Variants in ANKRD36 observed in about 807,000 individuals in gnomAD.
The protein encoded by ANKRD36 is ankyrin repeat domain-containing protein 36A.
A neutral mutation model predicts 278.1 loss-of-function variants in ANKRD36; 179 were observed. That is an observed-to-expected ratio of 0.64 (90% CI 0.57 to 0.73). The LOEUF (loss-of-function observed/expected upper bound fraction) is 0.73, where lower values mean the gene tolerates loss of function less well. Ranked by LOEUF, ANKRD36 falls within the 30% of genes least tolerant of loss-of-function variation. The probability of loss-of-function intolerance (pLI) is 0.00; values close to 1 mark genes in which losing one functional copy is unlikely to be tolerated. For missense variants in ANKRD36, 1,159 were observed against 1,956.7 expected (o/e 0.59, Z 7.69); for synonymous variants, 320 against 641.1 (o/e 0.50, Z 7.57).
chr2:97,133,366 C>T (rs1283644133), intron 6 of ANKRD36, among the ~76,000 whole-genome samples: 1 of 151,932 alleles, frequency 6.6e-6, no homozygotes, highest in Non-Finnish European at 1.5e-5. Context: ...GGTCTCTATA[C>T]AGAAGTTACT....
intron 5 of ANKRD36, among the ~76,000 whole-genome samples, 177 bp from the exon 6 acceptor site, chr2:97,126,890 C>T (rs1271359266): frequency 6.6e-6 from 1 of 150,614 alleles, no homozygotes; most frequent in Non-Finnish European, 1.5e-5. Flanking sequence ...GAGTACTTCA[C>T]CTGTTTTTAT....
chr2:97,202,100 A>C, intron 46 of ANKRD36, 102 bp from the exon 47 acceptor site: 1 of 1,577,454 alleles, frequency 6.3e-7, no homozygotes, highest in Admixed American at 1.8e-5. Context: ...GCCTATGCTA[A>C]TACAGGCAGG....
chr2:97,219,218 A>G lies in ANKRD36; in HGVS notation c.3849A>G (p.Lys1283=). The change falls in exon 66 of 76, where the codon AAA becomes AAG. Residue 1283 remains lysine (K), a synonymous_variant. Transcript: ENST00000420699. Reference sequence around the variant, plus strand: ...ATTCTGTTCTGAATACAGCCACCAAAATGAAGGATGTACAAACATCCACAC... The same window carrying G: ...ATTCTGTTCTGAATACAGCCACCAAGATGAAGGATGTACAAACATCCACAC... ...NKNSVLNTAT[K]MKDVQTSTPA... is the part of the protein sequence containing the mutation. 1 of 1,573,584 alleles carries G rather than the reference A, an allele frequency of 6.4e-7. No individual in the cohort carries two copies. Among genetic ancestry groups the G allele is most frequent in the South Asian group, 1.2e-5 (1 of 84,994 alleles).
intron 75 of ANKRD36, among the ~76,000 whole-genome samples, chr2:97,262,889 ATTC>A (rs1205038344): frequency 2.1e-5 from 3 of 144,506 alleles, no homozygotes; most frequent in African/African-American, 2.4e-5. Flanking sequence ...TGCCACTGCC[ATTC>A]TTCTTCTACA....
At chr2:97,193,560 G>A (rs192033737) in intron 38 of ANKRD36, among the ~76,000 whole-genome samples, 9,352 of 145,620 alleles carry the variant, frequency 0.064, 467 homozygotes, top group Middle Eastern at 0.13. Context: ...ATAATTTTGG[G>A]GTTTCTGCTG....
Position 97,217,582 on chromosome 2 carries a change from G to T in ANKRD36, c.3775+210G>T, listed in dbSNP as rs1231148481. Among the ~76,000 whole-genome samples, 5 of 152,208 alleles carry T rather than the reference G, an allele frequency of 3.3e-5. No individual in the cohort carries two copies. In the East Asian group the frequency reaches 5.9e-4, roughly 18 times the overall value. On this transcript the variant is annotated intron_variant, in intron 64 of 75. Coordinates refer to ENST00000420699, the MANE Select transcript of ANKRD36 (RefSeq NM_001354587.1). ...AACAAGCTTATAGACTTCCCTACAT[G>T]GAAATTGTGTAGAAGAACCATTGGA...
intron 58 of ANKRD36, 25 bp from the exon 59 acceptor site, chr2:97,213,394 A>G (rs1204438408): frequency 2.1e-6 from 1 of 484,102 alleles, no homozygotes; most frequent in East Asian, 3.9e-5. Flanking sequence ...CATATGAGTG[A>G]TTATGTATCC....
chr2:97,130,405 A>G (rs889625488), intron 6 of ANKRD36, among the ~76,000 whole-genome samples: 7 of 134,458 alleles, frequency 5.2e-5, no homozygotes, highest in Non-Finnish European at 9.2e-5. Context: ...ATGAGAACAC[A>G]TGGACACAGG....
intron 66 of ANKRD36, among the ~76,000 whole-genome samples, chr2:97,222,875 T>C (rs1180830191): frequency 1.3e-5 from 2 of 152,076 alleles, no homozygotes; most frequent in Non-Finnish European, 2.9e-5. Context: ...ATTTTTTTAA[T>C]AAGATCACAG....
At position 97,198,570 on chromosome 2, in the gene ANKRD36, T is replaced by G; in HGVS notation, c.2683-16T>G. 6.4e-7 allele frequency: 1 copy of G among 1,551,088 alleles called. No individual in the cohort carries two copies. The highest frequency in any genetic ancestry group is 1.4e-5 in the African/African-American group (1 of 72,964). On this transcript the variant is annotated splice_polypyrimidine_tract_variant and intron_variant, in intron 43 of 75. Transcript: ENST00000420699. ...ATACTTTATTAATTTATTATTTCAT[T>G]TCAAATTCCATTCAGGCTTCAAGTG...
At chr2:97,225,408 A>G (rs2069128183) in intron 67 of ANKRD36, among the ~76,000 whole-genome samples, 1 of 152,080 alleles carries the variant, frequency 6.6e-6, no homozygotes, top group Admixed American at 6.5e-5. Context: ...CAAGAGAATT[A>G]TACCTTGCAG....
chr2:97,198,595 G>T lies in ANKRD36; in HGVS notation c.2692G>T (p.Ala898Ser), dbSNP rs1255023849. The stretch of plus-strand genomic sequence containing the variant: ...TTCAAATTCCATTCAGGCTTCAAGT[G>T]CCGAGAAAGATTCTGTTTTGAATAT... The part of the protein sequence containing the change: ...EKPPGLKASS[A>S]EKDSVLNIAR... The change falls in exon 44 of 76, where the codon GCC (alanine) becomes TCC (serine). Residue 898 changes from alanine (A) to serine (S), a missense_variant. Transcript: ENST00000420699. 2 of 1,547,608 alleles carry T rather than the reference G, an allele frequency of 1.3e-6. No individual in the cohort carries two copies. Among genetic ancestry groups the T allele is most frequent in the Admixed American group, 2.0e-5 (1 of 50,908 alleles).
At chr2:97,173,886 G>A (rs1012625714) in intron 22 of ANKRD36, among the ~76,000 whole-genome samples, 2 of 148,548 alleles carry the variant, frequency 1.3e-5, no homozygotes, top group African/African-American at 4.9e-5. Flanking sequence ...GTTTTTTTTT[G>A]AAAGCTGTGT....
At chr2:97,222,273 G>A (rs1169542710) in intron 66 of ANKRD36, among the ~76,000 whole-genome samples, 8 of 151,912 alleles carry the variant, frequency 5.3e-5, no homozygotes, top group Non-Finnish European at 8.8e-5. Flanking sequence ...CTCTTTTTTG[G>A]TTCCATATGA....
At chr2:97,154,879 C>G (rs895451774) in intron 15 of ANKRD36, 138 bp downstream of exon 15, 2 of 710,096 alleles carry the variant, frequency 2.8e-6, no homozygotes, top group African/African-American at 1.8e-5. Context: ...TTAGAGATAA[C>G]CATTTTAAAG....
At chr2:97,187,009 G>A (rs968542754) in intron 30 of ANKRD36, among the ~76,000 whole-genome samples, 189 bp from the exon 31 acceptor site, 9 of 151,770 alleles carry the variant, frequency 5.9e-5, no homozygotes, top group African/African-American at 1.9e-4. Context: ...GGAATATATC[G>A]TGGCACATCT....
At chr2:97,189,614 A>T (rs2058097766) in intron 34 of ANKRD36, among the ~76,000 whole-genome samples, 1 of 87,926 alleles carries the variant, frequency 1.1e-5, no homozygotes, top group Admixed American at 1.0e-4. Context: ...CTAAGGGTGG[A>T]AGAAGAAAGA....
At chr2:97,211,820 G>C (rs1214938694) in intron 58 of ANKRD36, 79 bp downstream of exon 58, 4 of 1,444,448 alleles carry the variant, frequency 2.8e-6, no homozygotes, top group Non-Finnish European at 3.8e-6. Flanking sequence ...AACAGCGGGG[G>C]GTTCGTCAAG....
intron 67 of ANKRD36, among the ~76,000 whole-genome samples, chr2:97,226,595 A>C (rs1228121357): frequency 6.6e-6 from 1 of 151,954 alleles, no homozygotes; most frequent in Non-Finnish European, 1.5e-5. Flanking sequence ...CTCTGATGGT[A>C]GTTTCTTTTG....
Sources: allele counts gnomAD v4.1 joint callset (sites outside exome capture counted in the v4.1 genomes callset), GRCh38; gene constraint gnomAD v4.1.1; transcripts MANE v1.5; gene names NCBI Gene and HGNC (gene_info 2026-07-23, HGNC 2026-07-21).